PLAC1: variants seen among roughly 807,000 people sequenced by gnomAD.
PLAC1 encodes placenta-specific protein 1.
For missense variants in PLAC1, 136 were observed against 163.2 expected (o/e 0.83, Z 0.91); for synonymous variants, 68 against 62.1 (o/e 1.09, Z -0.44).
chrX:134,645,168 C>G (rs537890951), intron 1 of PLAC1, among the ~76,000 whole-genome samples: 2 of 111,273 alleles, frequency 1.8e-5, no homozygotes, highest in South Asian at 7.5e-4. Context: ...AATTCAGTAC[C>G]TTTGTTTAAT....
chrX:134,705,416 CA>C (rs756637363), intron 2 of PLAC1, among the ~76,000 whole-genome samples: 1,492 of 28,899 alleles, frequency 0.052, 14 homozygotes, highest in African/African-American at 0.15. Context: ...GACTCCGTCT[CA>C]AAAAAAAAAA....
At chrX:134,736,806 C>T (rs917954432) in intron 1 of PLAC1, among the ~76,000 whole-genome samples, 2 of 112,333 alleles carry the variant, frequency 1.8e-5, no homozygotes, top group Non-Finnish European at 3.8e-5. Context: ...GGAAGCTCCC[C>T]TGAAAGAGGT....
intron 2 of PLAC1, among the ~76,000 whole-genome samples, chrX:134,598,473 C>T (rs1409577267): frequency 8.9e-6 from 1 of 112,092 alleles, no homozygotes; most frequent in Non-Finnish European, 1.9e-5. Flanking sequence ...GTGAATTCTC[C>T]ATTTCAGGGT....
chrX:134,709,433 C>T (rs2078621065), intron 2 of PLAC1, among the ~76,000 whole-genome samples: 1 of 111,373 alleles, frequency 9.0e-6, no homozygotes, highest in Admixed American at 9.5e-5. Context: ...TGAGACCAGC[C>T]TGGCCAAAAT....
chrX:134,685,877 G>A (rs775176766), intron 2 of PLAC1, among the ~76,000 whole-genome samples: 45 of 110,734 alleles, frequency 4.1e-4, no homozygotes, highest in Non-Finnish European at 1.7e-4. Flanking sequence ...ATTCATTTTC[G>A]TTTACTCACA....
intron 1 of PLAC1, among the ~76,000 whole-genome samples, chrX:134,641,860 C>T (rs889346652): frequency 1.8e-5 from 2 of 112,101 alleles, no homozygotes; most frequent in African/African-American, 6.5e-5. Context: ...TCTCGAAACA[C>T]CTCCTGGACA....
chrX:134,629,649 T>C (rs932451372), intron 1 of PLAC1, among the ~76,000 whole-genome samples: 1 of 111,943 alleles, frequency 8.9e-6, no homozygotes, highest in Admixed American at 9.5e-5. Flanking sequence ...CCCTTGTGAT[T>C]TCTTGTACAT....
chrX:134,607,191 T>A (rs2078126690), intron 1 of PLAC1: 2 of 138,345 alleles, frequency 1.4e-5, no homozygotes, highest in Non-Finnish European at 3.0e-5. Flanking sequence ...ACCCAATACG[T>A]GTTCTCTAGG....
intron 2 of PLAC1, among the ~76,000 whole-genome samples, chrX:134,721,909 G>C (rs745504052): frequency 1.8e-5 from 2 of 111,697 alleles, no homozygotes; most frequent in East Asian, 5.6e-4. Context: ...ATAACAGGAA[G>C]TGTTGGCAAG....
At chrX:134,698,685 A>G (rs774402760) in intron 2 of PLAC1, among the ~76,000 whole-genome samples, 8 of 111,273 alleles carry the variant, frequency 7.2e-5, no homozygotes, top group African/African-American at 2.6e-4. Context: ...ATGATCTCAT[A>G]CAATTCTATG....
chrX:134,625,844 C>T (rs1471009095), intron 1 of PLAC1, among the ~76,000 whole-genome samples: 1 of 110,765 alleles, frequency 9.0e-6, no homozygotes, highest in African/African-American at 3.3e-5. Context: ...ATGGAAATCA[C>T]TGGGAAATGG....
At chrX:134,636,695 A>G (rs1055225336) in intron 1 of PLAC1, among the ~76,000 whole-genome samples, 3 of 112,400 alleles carry the variant, frequency 2.7e-5, no homozygotes, top group Non-Finnish European at 5.6e-5. Context: ...TCTCTGACAG[A>G]CCAAGGTCCC....
intron 2 of PLAC1, among the ~76,000 whole-genome samples, chrX:134,583,231 G>T (rs2077983008): frequency 1.2e-5 from 1 of 85,176 alleles, no homozygotes; most frequent in South Asian, 7.9e-4. Context: ...TTGATATAAT[G>T]ATAAGGAGGG....
At chrX:134,707,959 A>C (rs915860501) in intron 2 of PLAC1, among the ~76,000 whole-genome samples, 1 of 112,211 alleles carries the variant, frequency 8.9e-6, no homozygotes, top group East Asian at 2.8e-4. Context: ...GCAACCACAA[A>C]AAAAGCTACA....
chrX:134,684,270 A>G (rs1486678138), intron 2 of PLAC1, among the ~76,000 whole-genome samples: 1 of 110,555 alleles, frequency 9.0e-6, no homozygotes, highest in Non-Finnish European at 1.9e-5. Context: ...CTCTCCCCCA[A>G]CTATATGAAG....
At chrX:134,677,657 G>A (rs1324072278) in intron 2 of PLAC1, among the ~76,000 whole-genome samples, 1 of 111,904 alleles carries the variant, frequency 8.9e-6, no homozygotes, top group Admixed American at 9.5e-5. Context: ...GGGGCTGCAG[G>A]ATAGGTGAGA....
chrX:134,761,705 A>G (rs1454472018), intron 1 of PLAC1, among the ~76,000 whole-genome samples: 1 of 112,063 alleles, frequency 8.9e-6, no homozygotes, highest in Admixed American at 9.5e-5. Context: ...ATTTTTTTAC[A>G]CTGAACTTGT....
intron 2 of PLAC1, among the ~76,000 whole-genome samples, chrX:134,720,385 C>T (rs775840714): frequency 9.5e-4 from 106 of 111,040 alleles, no homozygotes; most frequent in Non-Finnish European, 1.8e-3. Context: ...GATTAGAAGA[C>T]TTAATATTGC....
At chrX:134,590,862 C>A (rs765745842) in intron 2 of PLAC1, among the ~76,000 whole-genome samples, 1 of 103,051 alleles carries the variant, frequency 9.7e-6, no homozygotes, top group Non-Finnish European at 2.0e-5. Flanking sequence ...CCTCCCCCCC[C>A]ACCCCACCCC....
Sources: gnomAD v4.1 joint callset for allele counts (sites outside exome capture counted in the v4.1 genomes callset) on GRCh38, gnomAD v4.1.1 for gene constraint, MANE v1.5 for transcripts, NCBI Gene and HGNC (gene_info 2026-07-23, HGNC 2026-07-21) for gene names.